Variants in MICU1 observed in about 807,000 individuals in gnomAD.
The protein encoded by MICU1 is mitochondrial calcium uptake 1, also known as calcium uptake protein 1, mitochondrial.
In MICU1, 45 loss-of-function variants were observed where a neutral mutation model predicts 56.8. The ratio of observed to expected loss-of-function variants is 0.79; its 90% CI spans 0.62 to 1.02. The LOEUF (loss-of-function observed/expected upper bound fraction) is 1.02, where lower values mean the gene tolerates loss of function less well. Among genes scored for constraint, MICU1 ranks in the 50% least tolerant of loss-of-function variants. The probability of loss-of-function intolerance (pLI) is 0.00; values close to 1 mark genes in which losing one functional copy is unlikely to be tolerated. For synonymous variants in MICU1, 186 were observed against 195.1 expected, an observed-to-expected ratio of 0.95 and a Z score of 0.39; for missense variants, 504 against 587.1, an observed-to-expected ratio of 0.86 and a Z score of 1.46.
chr10:72,429,419 CAAA>C (rs34154785), intron 8 of MICU1, among the ~76,000 whole-genome samples: 4 of 113,372 alleles, frequency 3.5e-5, no homozygotes. Flanking sequence ...GATCCTGCCT[CAAA>C]AAAAAAAAAA....
chr10:72,522,662 G>A (rs1221770775), intron 5 of MICU1, among the ~76,000 whole-genome samples: 1 of 152,144 alleles, frequency 6.6e-6, no homozygotes, highest in African/African-American at 2.4e-5. Context: ...AACTGCATCT[G>A]AAGAACAGCA....
intron 6 of MICU1, among the ~76,000 whole-genome samples, chr10:72,504,655 CA>C (rs1867184785): frequency 6.6e-6 from 1 of 152,030 alleles, no homozygotes; most frequent in Non-Finnish European, 1.5e-5. Flanking sequence ...AGAGTCTCTG[CA>C]AAGCAAAAGA....
At chr10:72,414,992 C>T (rs1043756063) in intron 9 of MICU1, among the ~76,000 whole-genome samples, 19 of 151,510 alleles carry the variant, frequency 1.3e-4, no homozygotes, top group African/African-American at 4.6e-4. Flanking sequence ...GTCATGTATC[C>T]TCTGCTCAAT....
intron 6 of MICU1, among the ~76,000 whole-genome samples, chr10:72,500,284 A>ATT (rs1395283342): frequency 0.024 from 197 of 8,086 alleles, 2 homozygotes; most frequent in African/African-American, 0.038. Context: ...ATATATATAT[A>ATT]TATATATATA....
At chr10:72,601,412 A>T (rs1202665508) in intron 1 of MICU1, among the ~76,000 whole-genome samples, 1 of 150,230 alleles carries the variant, frequency 6.7e-6, no homozygotes, top group East Asian at 1.9e-4. Context: ...AGTCAGAGCA[A>T]ATGAGACCCT....
At chr10:72,427,950 G>C (rs1468646918) in intron 8 of MICU1, among the ~76,000 whole-genome samples, 1 of 151,968 alleles carries the variant, frequency 6.6e-6, no homozygotes. Flanking sequence ...CCATCTAAAG[G>C]AAAATGATTA....
At chr10:72,590,265 A>G (rs1451472066) in intron 1 of MICU1, among the ~76,000 whole-genome samples, 1 of 152,226 alleles carries the variant, frequency 6.6e-6, no homozygotes, top group African/African-American at 2.4e-5. Context: ...CTATACTAAT[A>G]TCAAACAAAT....
rs533719754 is a variant in MICU1 at position 72,521,719 on chromosome 10, C to T, written c.537+12027G>A. ...AACTGCACAGGAACACACTGGGTAT[C>T]TATATTGTTCACAATTTCTGGAAAA... On this transcript the variant is annotated intron_variant, in intron 5 of 11. Transcript: ENST00000361114. Among the ~76,000 whole-genome samples the T allele has an allele frequency of 2.0e-5, 3 of 152,136 alleles. No individual in the cohort carries two copies. In the South Asian group the frequency reaches 6.2e-4, roughly 32 times the overall value.
At position 72,375,819 on chromosome 10, in the gene MICU1, C is replaced by T. The variant is rs375316147; in HGVS notation, c.1234G>A (p.Val412Met). Residue 412 changes from valine to methionine, a missense_variant, in exon 11 of 12, where the codon GTG becomes ATG. Coordinates refer to ENST00000361114, the MANE Select transcript of MICU1 (RefSeq NM_001195518.2). ...TVAKVELSDHVCDVVFALFDC... is the reference protein window; with the variant it reads ...TVAKVELSDHMCDVVFALFDC... ...AAGAGTGCAAACACCACATCACACA[C>T]GTGGTCTGAGAGCTCCACTTTAGCC... 3.2e-5 allele frequency: 52 copies of T among 1,613,196 alleles called. No homozygotes were observed. Among genetic ancestry groups the T allele is most frequent in the African/African-American group, 2.1e-4 (16 of 74,922 alleles).
chr10:72,576,066 T>C (rs956268569), intron 1 of MICU1, among the ~76,000 whole-genome samples: 2 of 151,712 alleles, frequency 1.3e-5, no homozygotes, highest in African/African-American at 4.8e-5. Flanking sequence ...ATACAAAAAT[T>C]AGCTGGGCAT....
At chr10:72,374,965 T>A (rs957281742) in intron 11 of MICU1, among the ~76,000 whole-genome samples, 1 of 151,722 alleles carries the variant, frequency 6.6e-6, no homozygotes, top group African/African-American at 2.4e-5. Flanking sequence ...CACGCACCAC[T>A]GTGCCTGGCT....
intron 1 of MICU1, among the ~76,000 whole-genome samples, chr10:72,578,130 T>C (rs1308760229): frequency 6.6e-6 from 1 of 152,124 alleles, no homozygotes; most frequent in Non-Finnish European, 1.5e-5. Context: ...TTTTAAGAAA[T>C]TGCCACAGCC....
intron 2 of MICU1, 33 bp from the exon 3 acceptor site, chr10:72,563,096 T>G: frequency 6.9e-7 from 1 of 1,456,698 alleles, no homozygotes; most frequent in Non-Finnish European, 9.1e-7. Flanking sequence ...TAGATTAATC[T>G]TGAACGTCCA....
chr10:72,426,771 A>G (rs1424851342), intron 8 of MICU1, among the ~76,000 whole-genome samples: 2 of 152,174 alleles, frequency 1.3e-5, no homozygotes, highest in African/African-American at 2.4e-5. Context: ...GCTGGTCCCA[A>G]GCATTTTGGA....
rs1432220928 is a variant in MICU1 at position 72,448,119 on chromosome 10, ATATGTGTG to A, written c.934-24756_934-24749del. On this transcript the variant is annotated intron_variant, in intron 8 of 11. Transcript: ENST00000361114. ...TGGGCACCATGGAAAAAGTTTATATATATGTGTGTGTGTGTGTGTGTGTGTGTGTGTCT... is the reference window on the plus strand; with the variant it reads ...TGGGCACCATGGAAAAAGTTTATATATGTGTGTGTGTGTGTGTGTGTGTCT... Among the ~76,000 whole-genome samples the A allele has an allele frequency of 7.5e-3, 359 of 47,690 alleles. 2 individuals carry two copies. Among genetic ancestry groups the A allele is most frequent in the African/African-American group, 0.016 (339 of 21,632 alleles). The allele number at this position is 47,690 out of a possible 152,430, so 31.3% of individuals were successfully genotyped here. A position where few individuals can be genotyped will look rare whatever the true frequency, so the allele number is the denominator to read the frequency against.
intron 9 of MICU1, among the ~76,000 whole-genome samples, chr10:72,412,550 C>T (rs1863850360): frequency 6.6e-6 from 1 of 152,158 alleles, no homozygotes; most frequent in Non-Finnish European, 1.5e-5. Flanking sequence ...ATAGAATTGT[C>T]TTTCAAAACT....
intron 9 of MICU1, among the ~76,000 whole-genome samples, chr10:72,417,386 G>A (rs886175528): frequency 1.3e-5 from 2 of 151,292 alleles, no homozygotes; most frequent in African/African-American, 4.9e-5. Context: ...CCCAGGAGGC[G>A]GAGCTTGCAG....
intron 3 of MICU1, among the ~76,000 whole-genome samples, chr10:72,551,693 G>A (rs559144949): frequency 6.6e-6 from 1 of 152,012 alleles, no homozygotes; most frequent in Non-Finnish European, 1.5e-5. Context: ...CAGTAATAGG[G>A]TACAATGCCA....
chr10:72,378,960 GA>G, intron 10 of MICU1, among the ~76,000 whole-genome samples: 1 of 152,240 alleles, frequency 6.6e-6, no homozygotes, highest in Middle Eastern at 3.4e-3. Flanking sequence ...GGGTGAAGAG[GA>G]AATTAACATT....
Sources: allele counts gnomAD v4.1 joint callset (sites outside exome capture counted in the v4.1 genomes callset), GRCh38; gene constraint gnomAD v4.1.1; transcripts MANE v1.5; gene names NCBI Gene and HGNC (gene_info 2026-07-23, HGNC 2026-07-21).